The following PHF24 variants were observed in gnomAD, a reference collection of about 807,000 sequenced individuals.
PHF24 encodes the protein PHD finger protein 24, also known as Galpha inhibitory interacting protein.
PHF24 carries 25 observed loss-of-function variants against 42.6 expected under a neutral mutation model. That is an observed-to-expected ratio of 0.59 (90% CI 0.43 to 0.82). The LOEUF is 0.82. Among genes scored for constraint, PHF24 ranks in the 40% least tolerant of loss-of-function variants. The pLI, the probability that PHF24 is intolerant of heterozygous loss-of-function variation, is 0.00. For missense variants in PHF24, 470 were observed against 538.1 expected (o/e 0.87, Z 1.25); for synonymous variants, 185 against 204.8 (o/e 0.90, Z 0.83).
the PHF24 span, among the ~76,000 whole-genome samples, chr9:34,782,631 C>T: frequency 6.6e-6 from 1 of 152,172 alleles, no homozygotes; most frequent in Admixed American, 6.5e-5. Context: ...CTACTCCAAT[C>T]CCTGAGGCAG....
the PHF24 span, among the ~76,000 whole-genome samples, chr9:34,687,604 C>T: frequency 6.6e-6 from 1 of 152,170 alleles, no homozygotes; most frequent in Non-Finnish European, 1.5e-5. Context: ...TCCAGGGGCC[C>T]CTATCCTGGT....
the PHF24 span, among the ~76,000 whole-genome samples, chr9:34,743,619 A>G: frequency 6.6e-6 from 1 of 152,230 alleles, no homozygotes; most frequent in Non-Finnish European, 1.5e-5. Context: ...TGCCTCCAAT[A>G]TCCTAGGAGT....
the PHF24 span, among the ~76,000 whole-genome samples, chr9:34,872,548 A>G: frequency 1.3e-5 from 2 of 149,436 alleles, no homozygotes; most frequent in African/African-American, 2.5e-5. Context: ...ATCATTTTTT[A>G]TGGCTGCATA....
chr9:34,975,055 T>C (rs1827138386), intron 3 of PHF24, among the ~76,000 whole-genome samples: 1 of 152,218 alleles, frequency 6.6e-6, no homozygotes, highest in Non-Finnish European at 1.5e-5. Flanking sequence ...CTCCAGACTC[T>C]GCCGCTCTAA....
the PHF24 span, among the ~76,000 whole-genome samples, chr9:34,745,839 G>A: frequency 4.6e-5 from 7 of 151,928 alleles, no homozygotes; most frequent in African/African-American, 1.7e-4. Context: ...CTCCTGCCAA[G>A]AACAACTAGA....
the PHF24 span, among the ~76,000 whole-genome samples, chr9:34,824,833 T>G: frequency 0.092 from 14,035 of 152,210 alleles, 1,873 homozygotes; most frequent in African/African-American, 0.3. Flanking sequence ...GGCATTAAGC[T>G]GCTGGGGAGA....
the PHF24 span, among the ~76,000 whole-genome samples, chr9:34,867,515 C>T: frequency 1.6e-4 from 24 of 152,198 alleles, no homozygotes; most frequent in Non-Finnish European, 2.8e-4. Context: ...TAGGAACAGG[C>T]TTCAAGAGCA....
the PHF24 span, among the ~76,000 whole-genome samples, chr9:34,914,646 G>C: frequency 6.6e-6 from 1 of 151,968 alleles, no homozygotes; most frequent in African/African-American, 2.4e-5. Context: ...CACAACTTTT[G>C]TTTCATTGAA....
the PHF24 span, among the ~76,000 whole-genome samples, chr9:34,927,393 T>C: frequency 6.6e-6 from 1 of 152,006 alleles, no homozygotes; most frequent in Non-Finnish European, 1.5e-5. Context: ...TTTGCTCTTT[T>C]CTCAAGATGG....
the PHF24 span, chr9:34,729,234 T>C: frequency 3.3e-6 from 5 of 1,524,558 alleles, no homozygotes; most frequent in South Asian, 1.3e-5. Flanking sequence ...TAAGAACTTA[T>C]AGGCTTCTTA....
the PHF24 span, chr9:34,729,148 A>G: frequency 2.8e-6 from 3 of 1,089,974 alleles, no homozygotes; most frequent in Non-Finnish European, 3.8e-6. Context: ...ATAGTCTCTG[A>G]GAAGAAAAGT....
At chr9:34,676,752 A>G in the PHF24 span, among the ~76,000 whole-genome samples, 14 of 152,220 alleles carry the variant, frequency 9.2e-5, no homozygotes, top group Non-Finnish European at 1.9e-4. Flanking sequence ...AGGACTCAGG[A>G]AGCTTACAAT....
At chr9:34,938,787 A>G in the PHF24 span, among the ~76,000 whole-genome samples, 2 of 142,360 alleles carry the variant, frequency 1.4e-5, no homozygotes, top group Non-Finnish European at 3.1e-5. Context: ...AAAAAAAAAA[A>G]TTAGTCAGGC....
the PHF24 span, among the ~76,000 whole-genome samples, chr9:34,919,374 A>C: frequency 1.3e-5 from 2 of 152,182 alleles, no homozygotes; most frequent in Non-Finnish European, 2.9e-5. Flanking sequence ...TTGTCACCCT[A>C]CTGTGCTATC....
At chr9:34,731,014 T>A in the PHF24 span, among the ~76,000 whole-genome samples, 1 of 152,208 alleles carries the variant, frequency 6.6e-6, no homozygotes, top group Non-Finnish European at 1.5e-5. Context: ...CTATTTTTTT[T>A]AAAGTAAGCA....
chr9:34,792,331 T>G, the PHF24 span, among the ~76,000 whole-genome samples: 11 of 152,284 alleles, frequency 7.2e-5, no homozygotes, highest in East Asian at 2.1e-3. Context: ...TAGGGAGAAC[T>G]GGGGCAAGGT....
chr9:34,900,559 A>C, the PHF24 span, among the ~76,000 whole-genome samples: 150 of 152,320 alleles, frequency 9.8e-4, 1 homozygote, highest in Admixed American at 9.5e-3. Context: ...AGATATCACC[A>C]CTGCACTCCA....
the PHF24 span, among the ~76,000 whole-genome samples, chr9:34,696,837 C>T: frequency 3.3e-5 from 5 of 152,294 alleles, no homozygotes; most frequent in South Asian, 8.3e-4. Flanking sequence ...GATAATAACT[C>T]TCTGGCAAAA....
the PHF24 span, among the ~76,000 whole-genome samples, chr9:34,824,980 G>T: frequency 5.9e-5 from 9 of 152,192 alleles, no homozygotes; most frequent in Non-Finnish European, 1.2e-4. Context: ...TTTGGAAATG[G>T]GGTTGGAGTT....
Sources: allele counts gnomAD v4.1 joint callset (sites outside exome capture counted in the v4.1 genomes callset), GRCh38; gene constraint gnomAD v4.1.1; transcripts MANE v1.5; gene names NCBI Gene and HGNC (gene_info 2026-07-23, HGNC 2026-07-21).